Variants in PKP3 observed in about 807,000 individuals in gnomAD.
The protein encoded by PKP3 is plakophilin 3, also known as plakophilin-3.
A neutral mutation model predicts 76.5 loss-of-function variants in PKP3; 66 were observed. That is an observed-to-expected ratio of 0.86 (90% CI 0.71 to 1.06). The LOEUF is 1.06. Among genes scored for constraint, PKP3 ranks in the 50% least tolerant of loss-of-function variants. The pLI, the probability that PKP3 is intolerant of heterozygous loss-of-function variation, is 0.00. For synonymous variants in PKP3, 638 were observed against 516.5 expected (o/e 1.24, Z -3.19); for missense variants, 1,338 against 1,141.0 (o/e 1.17, Z -2.49).
In PKP3 at chr11:400,027, T is replaced by C; in HGVS notation, c.1334T>C (p.Leu445Pro). Residue 445 changes from leucine to proline, a missense_variant, in exon 6 of 13, where the codon CTG (leucine) becomes CCG (proline). Physicochemically the swap from Leu to Pro is moderately conservative, Grantham distance 98. Transcript: ENST00000331563. ...HLKDRLARDT[L>P]EQLTDLVLSP... The stretch of plus-strand genomic sequence containing the variant: ...AAGGACCGCCTGGCCAGAGACACGC[T>C]GGAGCAGCTCACAGACCTGGTGTTG... The C allele has an allele frequency of 1.9e-6, 3 of 1,608,296 alleles. No homozygotes were observed. The highest frequency in any genetic ancestry group is 2.5e-6 in the Non-Finnish European group (3 of 1,178,778).
In PKP3 at chr11:399,183, C is replaced by A; in HGVS notation, c.1260C>A (p.Arg420=). The change falls in exon 5 of 13, where the codon CGC becomes CGA. Residue 420 remains arginine, a synonymous_variant. Coordinates refer to ENST00000331563, the MANE Select transcript of PKP3 (RefSeq NM_007183.4). Reference sequence around the variant, plus strand: ...TGCGGGAGCAGGATGATGAGCTTCGCAAAAATGTCACAGGTGCTGCCTGTC... The same window carrying A: ...TGCGGGAGCAGGATGATGAGCTTCGAAAAAATGTCACAGGTGCTGCCTGTC... ...RTLREQDDEL[R]KNVTGILWNL... The A allele has an allele frequency of 1.3e-6, 2 of 1,593,666 alleles. No homozygotes were observed. Among genetic ancestry groups the A allele is most frequent in the Non-Finnish European group, 1.7e-6 (2 of 1,169,680 alleles).
chr11:397,417 C>CA lies in PKP3; in HGVS notation c.917dup (p.His306GlnfsTer12). 1 of 1,612,276 alleles carries CA rather than the reference C, an allele frequency of 6.2e-7. No homozygotes were observed. On this transcript the variant is annotated frameshift_variant, in exon 3 of 13. Coordinates refer to ENST00000331563, the MANE Select transcript of PKP3 (RefSeq NM_007183.4). LOFTEE classifies it high-confidence loss of function. ...GCATGGGTTCAACAGCTACGGTAGC[C>CA]ACCGAACCCTGCAGAGACTCAGCAG... is the stretch of plus-strand genomic sequence containing the variant.
At position 404,050 on chromosome 11, in the gene PKP3, G is replaced by T; in HGVS notation, c.2185G>T (p.Val729Leu). 6.2e-7 allele frequency: 1 copy of T among 1,612,552 alleles called. No individual in the cohort carries two copies. The highest frequency in any genetic ancestry group is 8.5e-7 in the Non-Finnish European group (1 of 1,179,816). ...CATCATAGCTGTGCTCAACAACCTG[G>T]TGGTGGCCAGCCCCATCGCTGCCCG... is the stretch of plus-strand genomic sequence containing the variant. ...VNIIAVLNNL[V>L]VASPIAARDL... Residue 729 changes from valine (V) to leucine (L), a missense_variant, in exon 11 of 13, where the codon GTG becomes TTG. Transcript: ENST00000331563. This position sits in a 1 kb window ranked among gnomAD's most constrained non-coding sequence, Gnocchi z 4.2.
At chr11:400,807 C>CA (rs1382105945) in intron 8 of PKP3, 102 bp downstream of exon 8, 342 of 483,704 alleles carry the variant, frequency 7.1e-4, no homozygotes, top group Non-Finnish European at 8.8e-4. Context: ...GCCCCGCTCA[C>CA]CCCGCCCCGC....
upstream of PKP3, chr11:393,998 G>GC (rs550618321): frequency 3.9e-5 from 15 of 380,562 alleles, no homozygotes; most frequent in South Asian, 6.9e-4. Flanking sequence ...GGTCCCCGTG[G>GC]CCCTGTTGTG....
intron 5 of PKP3, 101 bp from the exon 6 acceptor site, chr11:399,866 A>G (rs1469834639): frequency 3.5e-5 from 34 of 983,242 alleles, no homozygotes; most frequent in Non-Finnish European, 5.1e-5. Context: ...ACAGAACACC[A>G]GGCCAGCCCC....
rs1177211341 is a variant in PKP3 at position 403,158 on chromosome 11, G to C, written c.1818G>C (p.Gln606His). Residue 606 changes from glutamine (Q) to histidine (H), a missense_variant, in exon 9 of 13, where the codon CAG (glutamine) becomes CAC (histidine). Coordinates refer to ENST00000331563, the MANE Select transcript of PKP3 (RefSeq NM_007183.4). ...PKGLEWLWSP[Q>H]IVGLYNRLLQ... The stretch of plus-strand genomic sequence containing the variant: ...GCCTCGAGTGGCTGTGGAGCCCCCA[G>C]ATCGTGGGGCTGTACAACCGGCTGC... 4 of 1,585,408 alleles carry C rather than the reference G, an allele frequency of 2.5e-6. No individual in the cohort carries two copies. Among genetic ancestry groups the C allele is most frequent in the Admixed American group, 3.6e-5 (2 of 55,972 alleles).
In PKP3 at chr11:394,383, C is replaced by T. The variant is rs1385670203; in HGVS notation, c.91C>T (p.Arg31Trp). ...GCCCTCTGACCTGCAGCTGGACCGC[C>T]GGGGCGCCGAGGGGCCGGAGGCCGA... is the stretch of plus-strand genomic sequence containing the variant. ...ALPSDLQLDRRGAEGPEAERL... is the reference protein window; with the variant it reads ...ALPSDLQLDRWGAEGPEAERL... Residue 31 changes from arginine to tryptophan, a missense_variant, in exon 1 of 13, where the codon CGG becomes TGG. Coordinates refer to ENST00000331563, the MANE Select transcript of PKP3 (RefSeq NM_007183.4). The T allele has an allele frequency of 1.5e-5, 22 of 1,493,912 alleles. No individual in the cohort carries two copies. The highest frequency in any genetic ancestry group is 1.8e-5 in the Non-Finnish European group (20 of 1,129,798). The allele number at this position is 1,493,912 out of a possible 1,614,324, so 92.5% of individuals were successfully genotyped here.
chr11:400,295 C>T (rs1055342538), intron 6 of PKP3, 39 bp from the exon 7 acceptor site: 3 of 1,495,506 alleles, frequency 2.0e-6, no homozygotes, highest in Non-Finnish European at 1.8e-6. Flanking sequence ...GCCCGGGATG[C>T]GGGGTCCCTG....
At chr11:397,693 C>T (rs749422728) in intron 4 of PKP3, 31 bp downstream of exon 4, 1 of 1,602,156 alleles carries the variant, frequency 6.2e-7, no homozygotes, top group Non-Finnish European at 8.5e-7. Flanking sequence ...CTCGCTGCCC[C>T]CTGGTGACCT....
intron 9 of PKP3, 142 bp downstream of exon 9, chr11:403,405 C>A: frequency 2.4e-6 from 2 of 840,768 alleles, no homozygotes; most frequent in Non-Finnish European, 3.6e-6. Flanking sequence ...GTGGCGCAGG[C>A]CTTGGGCCTT....
At chr11:399,340 C>A in intron 5 of PKP3, 144 bp downstream of exon 5, 1 of 283,908 alleles carries the variant, frequency 3.5e-6, no homozygotes. Context: ...ACCTGCCCCC[C>A]TACTCCTCCT....
Position 397,639 on chromosome 11 carries a change from A to C in PKP3, c.1045A>C (p.Ser349Arg), listed in dbSNP as rs571337193. 3.2e-5 allele frequency: 51 copies of C among 1,611,528 alleles called. No homozygotes were observed. The highest frequency in any genetic ancestry group is 4.2e-5 in the Non-Finnish European group (49 of 1,179,330). Reference sequence around the variant, plus strand: ...GGCCTACATCCAGCACAAGTGCTACAGCGATGCAGCCGCCAAGAAGCAGGT... The same window carrying C: ...GGCCTACATCCAGCACAAGTGCTACCGCGATGCAGCCGCCAAGAAGCAGGT... ...GAAYIQHKCYSDAAAKKQARS... is the reference protein window; with the variant it reads ...GAAYIQHKCYRDAAAKKQARS... Residue 349 changes from serine to arginine, a missense_variant, in exon 4 of 13, where the codon AGC becomes CGC. By Grantham distance (110) the Ser-to-Arg change is moderately radical. Transcript: ENST00000331563.
At position 398,341 on chromosome 11, in the gene PKP3, C is replaced by G. The variant is rs34839404; in HGVS notation, c.1069-651C>G. 2.2e-3 allele frequency among the ~76,000 whole-genome samples: 30 copies of G among 13,356 alleles called. No individual in the cohort carries two copies. In the South Asian group the frequency reaches 0.023, roughly 10 times the overall value. 8.8% of individuals were successfully genotyped at this position (13,356 alleles called of 152,430 possible). A position where few individuals can be genotyped will look rare whatever the true frequency, so the allele number is the denominator to read the frequency against. ...CACCTCCGTACCCCTGCACACACCT[C>G]CGTCACCTCCGTACCCCCGCACACA... is the stretch of plus-strand genomic sequence containing the variant. On this transcript the variant is annotated intron_variant, in intron 4 of 12. Transcript: ENST00000331563.
rs1847229887 is a variant in PKP3 at position 404,793 on chromosome 11, C to A, written c.*224C>A. The A allele has an allele frequency of 6.9e-6, 4 of 583,366 alleles. No individual in the cohort carries two copies. In the East Asian group the frequency reaches 1.1e-4, roughly 17 times the overall value. The allele number at this position is 583,366 out of a possible 1,614,324, so 36.1% of individuals were successfully genotyped here. On this transcript the variant is annotated 3_prime_UTR_variant, in exon 13 of 13. Coordinates refer to ENST00000331563, the MANE Select transcript of PKP3 (RefSeq NM_007183.4). The surrounding 1 kb of genome is among the most constrained non-coding windows in gnomAD (Gnocchi z 4.2). ...GCAGGGGGTGGGGCAGGGCTCAAGG[C>A]TGCTCTGGTGTATGGGGTGGTGACC...
rs1564883410 is a variant in PKP3 at position 404,167 on chromosome 11, G to C, written c.2270+32G>C. 5.6e-6 allele frequency: 9 copies of C among 1,608,652 alleles called. No homozygotes were observed. The highest frequency in any genetic ancestry group is 7.6e-6 in the Non-Finnish European group (9 of 1,177,056). ...GCCGACCCAGCCGTGCAGCAGCCTGGTCAGGGGTCCTCCCAGTCCACCCTG... is the reference window on the plus strand; with the variant it reads ...GCCGACCCAGCCGTGCAGCAGCCTGCTCAGGGGTCCTCCCAGTCCACCCTG... On this transcript the variant is annotated intron_variant, in intron 11 of 12. Coordinates refer to ENST00000331563, the MANE Select transcript of PKP3 (RefSeq NM_007183.4). This position sits in a 1 kb window ranked among gnomAD's most constrained non-coding sequence, Gnocchi z 4.2.
rs746738107 is a variant in PKP3 at position 404,351 on chromosome 11, G to GGGAC, written c.2358+29_2358+32dup. The GGGAC allele has an allele frequency of 1.3e-6, 2 of 1,592,086 alleles. No individual in the cohort carries two copies. The highest frequency in any genetic ancestry group is 1.1e-5 in the South Asian group (1 of 90,746). ...ACGTTTCCCGAGCCCAGGGCAAGCA[G>GGGAC]GGACCCGGGTGCAGGGCATGGGACG... On this transcript the variant is annotated intron_variant, in intron 12 of 12. Coordinates refer to ENST00000331563, the MANE Select transcript of PKP3 (RefSeq NM_007183.4). The surrounding 1 kb of genome is among the most constrained non-coding windows in gnomAD (Gnocchi z 4.2).
At chr11:403,393 C>A in intron 9 of PKP3, 130 bp downstream of exon 9, 1 of 891,550 alleles carries the variant, frequency 1.1e-6, no homozygotes, top group Non-Finnish European at 1.7e-6. Context: ...GTCAGCGTCC[C>A]GGTGGCGCAG....
In PKP3 at chr11:400,053, A is replaced by T; in HGVS notation, c.1360A>T (p.Ser454Cys). 1 of 1,606,650 alleles carries T rather than the reference A, an allele frequency of 6.2e-7. No homozygotes were observed. Among genetic ancestry groups the T allele is most frequent in the Non-Finnish European group, 8.5e-7 (1 of 1,178,180 alleles). ...GGAGCAGCTCACAGACCTGGTGTTG[A>T]GCCCCCTGTCGGGGGCTGGGGGTCC... ...TLEQLTDLVLSPLSGAGGPPL... is the reference protein window; with the variant it reads ...TLEQLTDLVLCPLSGAGGPPL... The change falls in exon 6 of 13, where the codon AGC becomes TGC. Residue 454 changes from serine (S) to cysteine (C), a missense_variant. By Grantham distance (112) the Ser-to-Cys change is moderately radical. Coordinates refer to ENST00000331563, the MANE Select transcript of PKP3 (RefSeq NM_007183.4).
Sources: gnomAD v4.1 joint callset for allele counts (sites outside exome capture counted in the v4.1 genomes callset) on GRCh38, gnomAD v4.1.1 for gene constraint, Gnocchi (gnomAD v3.1) non-coding constraint, MANE v1.5 for transcripts, NCBI Gene and HGNC (gene_info 2026-07-23, HGNC 2026-07-21) for gene names.